Variants in THEMIS observed in about 807,000 individuals in gnomAD.
THEMIS encodes the protein protein THEMIS.
In THEMIS, 37 loss-of-function variants were observed where a neutral mutation model predicts 52.6. The ratio of observed to expected loss-of-function variants is 0.70; its 90% CI spans 0.54 to 0.93. The LOEUF (loss-of-function observed/expected upper bound fraction) is 0.93, where lower values mean the gene tolerates loss of function less well. Ranked by LOEUF, THEMIS falls within the 40% of genes least tolerant of loss-of-function variation. THEMIS has a pLI of 0.00. For missense variants in THEMIS, 808 were observed against 763.1 expected (o/e 1.06, Z -0.69); for synonymous variants, 292 against 272.7 (o/e 1.07, Z -0.70).
At chr6:127,882,368 CAT>C (rs1161191277) in intron 1 of THEMIS, among the ~76,000 whole-genome samples, 1 of 151,774 alleles carries the variant, frequency 6.6e-6, no homozygotes, top group Non-Finnish European at 1.5e-5. Context: ...AGTGCCCAAC[CAT>C]ATAAAATTGA....
chr6:127,822,799 C>T (rs368178492), intron 3 of THEMIS, among the ~76,000 whole-genome samples: 7 of 152,062 alleles, frequency 4.6e-5, no homozygotes, highest in Admixed American at 2.0e-4. Flanking sequence ...TTTAGGTGGG[C>T]CTCATCTAAT....
intron 1 of THEMIS, among the ~76,000 whole-genome samples, chr6:127,895,761 G>T (rs1348253917): frequency 6.6e-6 from 1 of 151,314 alleles, no homozygotes; most frequent in Non-Finnish European, 1.5e-5. Flanking sequence ...CAGCTCAGGA[G>T]GCCTTCATTG....
chr6:127,906,341 T>C (rs1781268224), intron 1 of THEMIS, among the ~76,000 whole-genome samples: 1 of 151,866 alleles, frequency 6.6e-6, no homozygotes, highest in South Asian at 2.1e-4. Context: ...CTTTCAATAA[T>C]ATACCTTCAA....
In THEMIS at chr6:127,829,813, T is replaced by C. The variant is rs563935912; in HGVS notation, c.372A>G (p.Lys124=). 6 of 1,614,132 alleles carry C rather than the reference T, an allele frequency of 3.7e-6. No homozygotes were observed. The African/African-American group carries it at 6.7e-5, about 18-fold the overall frequency. The change falls in exon 3 of 6, where the codon AAA becomes AAG. Residue 124 remains lysine, a synonymous_variant. Transcript: ENST00000368248. ...HPCFYHQKDI[K]LENLIIKQGE... ...CCTGCTTTATGATGAGGTTCTCTAG[T>C]TTTATATCCTTCTGATGATAGAAGC...
chr6:127,917,327 C>T (rs1781547936), intron 1 of THEMIS, among the ~76,000 whole-genome samples: 1 of 152,136 alleles, frequency 6.6e-6, no homozygotes, highest in Non-Finnish European at 1.5e-5. Context: ...ACTTCTATAT[C>T]AATTAGGATC....
chr6:127,800,445 C>T (rs1777494066), intron 4 of THEMIS, among the ~76,000 whole-genome samples: 1 of 152,142 alleles, frequency 6.6e-6, no homozygotes, highest in South Asian at 2.1e-4. Context: ...AAAGTACAGA[C>T]CCATGGTAAA....
intron 2 of THEMIS, 113 bp downstream of exon 2, chr6:127,854,917 C>T: frequency 1.1e-6 from 1 of 873,668 alleles, no homozygotes; most frequent in Middle Eastern, 2.5e-4. Context: ...ATTTTCCCCC[C>T]CATTATCCTA....
In THEMIS at chr6:127,829,658, C is replaced by T. The variant is rs768001727; in HGVS notation, c.527G>A (p.Cys176Tyr). 1.2e-5 allele frequency: 19 copies of T among 1,613,956 alleles called. No homozygotes were observed. The highest frequency in any genetic ancestry group is 1.5e-5 in the Non-Finnish European group (18 of 1,180,016). ...TAGAGTGTAAATACGTTCATCTTCA[C>T]ACTCGTAGAATTCTCCTTCTTGTGA... Reference protein sequence around the residue: ...PLSQEGEFYECEDERIYTLKE... With the variant: ...PLSQEGEFYEYEDERIYTLKE... The change falls in exon 3 of 6, where the codon TGT (cysteine) becomes TAT (tyrosine). Residue 176 changes from cysteine (C) to tyrosine (Y), a missense_variant. Cys to Tyr is a radical substitution (Grantham distance 194). Transcript: ENST00000368248.
chr6:127,819,140 A>G (rs1329006609), intron 3 of THEMIS, among the ~76,000 whole-genome samples: 2 of 149,818 alleles, frequency 1.3e-5, no homozygotes, highest in East Asian at 1.9e-4. Flanking sequence ...AAAAAAAAAA[A>G]AAAAAAAAAG....
At chr6:127,734,971 ATG>A (rs1408170039) in intron 4 of THEMIS, among the ~76,000 whole-genome samples, 2 of 130,910 alleles carry the variant, frequency 1.5e-5, no homozygotes, top group Non-Finnish European at 3.2e-5. Flanking sequence ...GTGTGTGTAT[ATG>A]TGTGTGTATA....
intron 4 of THEMIS, among the ~76,000 whole-genome samples, chr6:127,741,291 T>C (rs888978651): frequency 6.6e-6 from 1 of 152,194 alleles, no homozygotes; most frequent in African/African-American, 2.4e-5. Flanking sequence ...GTGTACCTCA[T>C]TTAAAATTAA....
chr6:127,881,994 C>T (rs1348638368), intron 1 of THEMIS, among the ~76,000 whole-genome samples: 1 of 91,484 alleles, frequency 1.1e-5, no homozygotes, highest in Non-Finnish European at 2.0e-5. Flanking sequence ...TCATCTTATA[C>T]AGCAAAAAAA....
At position 127,708,287 on chromosome 6, in the gene THEMIS, G is replaced by A. The variant is rs538982846; in HGVS notation, c.*1698C>T. 6.6e-6 allele frequency: 1 copy of A among 152,008 alleles called. No homozygotes were observed. Among genetic ancestry groups the A allele is most frequent in the South Asian group, 2.1e-4 (1 of 4,816 alleles). 9.4% of individuals were successfully genotyped at this position (152,008 alleles called of 1,614,324 possible). A position where few individuals can be genotyped will look rare whatever the true frequency, so the allele number is the denominator to read the frequency against. On this transcript the variant is annotated 3_prime_UTR_variant, in exon 6 of 6. Coordinates refer to ENST00000368248, the MANE Select transcript of THEMIS (RefSeq NM_001010923.3). ...TACACTTTTCAATATCAAGACAACT[G>A]GAAACACAGTATGTGAAAGGACTTA...
Position 127,813,023 on chromosome 6 carries a change from A to C in THEMIS, c.1618T>G (p.Tyr540Asp), listed in dbSNP as rs770029951. ...CTTTCATATCTCCGCATCATGTAATATTGCTCTTCAGTGATCTCTTCTACC... is the reference window on the plus strand; with the variant it reads ...CTTTCATATCTCCGCATCATGTAATCTTGCTCTTCAGTGATCTCTTCTACC... ...TLVEEITEEQ[Y>D]YMMRRYESSA... The change falls in exon 4 of 6, where the codon TAT becomes GAT. Residue 540 changes from tyrosine to aspartate, a missense_variant. Transcript: ENST00000368248. 6.2e-7 allele frequency: 1 copy of C among 1,614,110 alleles called. No homozygotes were observed. The highest frequency in any genetic ancestry group is 8.5e-7 in the Non-Finnish European group (1 of 1,180,014).
intron 4 of THEMIS, among the ~76,000 whole-genome samples, chr6:127,800,861 G>A (rs1314278733): frequency 3.9e-5 from 6 of 152,170 alleles, no homozygotes; most frequent in Admixed American, 3.9e-4. Flanking sequence ...GCCTGAAGAT[G>A]GCCTATTGTG....
At chr6:127,739,992 C>T (rs1381273786) in intron 4 of THEMIS, among the ~76,000 whole-genome samples, 1 of 152,116 alleles carries the variant, frequency 6.6e-6, no homozygotes, top group East Asian at 1.9e-4. Context: ...GGCCAGTGCC[C>T]ATGTCAATTT....
intron 2 of THEMIS, among the ~76,000 whole-genome samples, chr6:127,843,023 G>A (rs1163483144): frequency 6.6e-6 from 1 of 151,908 alleles, no homozygotes; most frequent in Non-Finnish European, 1.5e-5. Context: ...CTTTTATCTG[G>A]TAGAAATTAA....
intron 1 of THEMIS, among the ~76,000 whole-genome samples, chr6:127,890,005 C>T (rs541340294): frequency 5.2e-4 from 79 of 152,132 alleles, no homozygotes; most frequent in African/African-American, 1.6e-3. Flanking sequence ...TCATTGTCTG[C>T]GTACAACTGC....
intron 2 of THEMIS, among the ~76,000 whole-genome samples, chr6:127,848,869 G>A (rs1284230984): frequency 2.0e-5 from 3 of 152,062 alleles, no homozygotes; most frequent in East Asian, 3.9e-4. Flanking sequence ...CTCCCATTTT[G>A]TCGGTTCCCT....
Sources: gnomAD v4.1 joint callset for allele counts (sites outside exome capture counted in the v4.1 genomes callset) on GRCh38, gnomAD v4.1.1 for gene constraint, MANE v1.5 for transcripts, NCBI Gene and HGNC (gene_info 2026-07-23, HGNC 2026-07-21) for gene names.